PPARG: variants seen among roughly 807,000 people sequenced by gnomAD.
PPARG encodes the protein peroxisome proliferator-activated receptor gamma.
Under a neutral mutation model 39.2 loss-of-function variants are expected in PPARG, and 17 were observed. That is an observed-to-expected ratio of 0.43 (90% CI 0.30 to 0.65). The LOEUF is 0.65. PPARG is among the 30% of genes least tolerant of loss of function. PPARG has a pLI of 0.13. For synonymous variants in PPARG, 223 were observed against 215.7 expected (o/e 1.03, Z -0.30); for missense variants, 406 against 585.9 (o/e 0.69, Z 3.17).
At position 12,294,430 on chromosome 3, in the gene PPARG, C is replaced by G. The variant is rs191735779; in HGVS notation, c.-83+5296C>G. Among the ~76,000 whole-genome samples, 3 of 152,276 alleles carry G rather than the reference C, an allele frequency of 2.0e-5. No individual in the cohort carries two copies. The East Asian group carries it at 5.8e-4, about 29-fold the overall frequency. ...CACTTCATTATATCTTGTATTTCCT[C>G]TGTGATGTTAGACAAATTATGTGGT... On this transcript the variant is annotated intron_variant, in intron 1 of 7. Coordinates refer to ENST00000651735, the MANE Select transcript of PPARG (RefSeq NM_138711.6).
chr3:12,395,876 C>A (rs145913852), intron 5 of PPARG, among the ~76,000 whole-genome samples: 1 of 152,192 alleles, frequency 6.6e-6, no homozygotes, highest in African/African-American at 2.4e-5. Context: ...AAATACAGAC[C>A]CACTTCCTAG....
chr3:12,305,126 G>A (rs372703432), intron 1 of PPARG, among the ~76,000 whole-genome samples: 22 of 151,472 alleles, frequency 1.5e-4, no homozygotes, highest in Admixed American at 5.3e-4. Flanking sequence ...TGTTCCCTAT[G>A]TTTTCTTCTT....
chr3:12,373,303 G>GGGGGAA (rs2049286913), intron 2 of PPARG, among the ~76,000 whole-genome samples: 1 of 152,144 alleles, frequency 6.6e-6, no homozygotes, highest in Non-Finnish European at 1.5e-5. Flanking sequence ...AGAAGGGCAG[G>GGGGGAA]GGGGAAGGGG....
In PPARG at chr3:12,313,230, CAGAT is replaced by C. The variant is rs200416762; in HGVS notation, c.-9+787_-9+790del. Among the ~76,000 whole-genome samples, 514 of 152,166 alleles carry C rather than the reference CAGAT, an allele frequency of 3.4e-3. 1 individual carries two copies. The highest frequency in any genetic ancestry group is 0.019 in the East Asian group (99 of 5,176). The stretch of plus-strand genomic sequence containing the variant: ...TCCACAACATTGAATAAAGAATCAT[CAGAT>C]AGATAGATACAGAAATTAATATAGA... On this transcript the variant is annotated intron_variant, in intron 2 of 7. Transcript: ENST00000651735.
rs576941877 is a variant in PPARG at position 12,302,871 on chromosome 3, G to A, written c.-82-9509G>A. Among the ~76,000 whole-genome samples the A allele has an allele frequency of 2.3e-4, 35 of 152,168 alleles. No homozygotes were observed. The South Asian group carries it at 6.0e-3, about 26-fold the overall frequency. ...CAGTCAGGAGGCTGCTGCAAAATCC[G>A]GACATACCATGAGGAGGGCCTGTAA... On this transcript the variant is annotated intron_variant, in intron 1 of 7. Transcript: ENST00000651735.
chr3:12,357,307 C>T (rs2048699838), intron 2 of PPARG, among the ~76,000 whole-genome samples: 1 of 152,142 alleles, frequency 6.6e-6, no homozygotes. Flanking sequence ...CCACTCTGCT[C>T]CAAGCACGCC....
chr3:12,299,523 TTC>T (rs1195476014), intron 1 of PPARG, among the ~76,000 whole-genome samples: 1 of 152,188 alleles, frequency 6.6e-6, no homozygotes, highest in Non-Finnish European at 1.5e-5. Context: ...TATTTATAAT[TTC>T]TGTCTCAGTA....
At chr3:12,341,680 G>A (rs1160571928) in intron 2 of PPARG, among the ~76,000 whole-genome samples, 3 of 152,080 alleles carry the variant, frequency 2.0e-5, no homozygotes, top group African/African-American at 7.2e-5. Flanking sequence ...ATTGTGGCAC[G>A]CGCCTGTGGT....
intron 2 of PPARG, among the ~76,000 whole-genome samples, chr3:12,349,970 C>T (rs1184689467): frequency 6.6e-6 from 1 of 152,066 alleles, no homozygotes; most frequent in African/African-American, 2.4e-5. Flanking sequence ...AAGTGAGACC[C>T]TTTGAGGACA....
At chr3:12,396,685 G>T (rs756247394) in intron 5 of PPARG, among the ~76,000 whole-genome samples, 1 of 151,562 alleles carries the variant, frequency 6.6e-6, no homozygotes, top group African/African-American at 2.4e-5. Flanking sequence ...TTTAGCCCAG[G>T]GGGTGGAAGT....
chr3:12,304,781 C>T (rs1041287019), intron 1 of PPARG, among the ~76,000 whole-genome samples: 8 of 152,046 alleles, frequency 5.3e-5, no homozygotes, highest in Non-Finnish European at 8.8e-5. Context: ...CAAAGGAAAA[C>T]GTGAATACAG....
chr3:12,360,508 A>G (rs1064323), intron 2 of PPARG, among the ~76,000 whole-genome samples: 16,667 of 151,190 alleles, frequency 0.11, 3,040 homozygotes, highest in African/African-American at 0.38. Flanking sequence ...GAAGTATAAT[A>G]TACTTAGAGG....
At chr3:12,318,540 T>C (rs1214818862) in intron 2 of PPARG, among the ~76,000 whole-genome samples, 1 of 152,202 alleles carries the variant, frequency 6.6e-6, no homozygotes, top group Non-Finnish European at 1.5e-5. Context: ...ATAAGAATTT[T>C]AAGATACAAA....
Position 12,368,183 on chromosome 3 carries a change from C to CTTTTT in PPARG, c.-8-11519_-8-11515dup, listed in dbSNP as rs556381640. On this transcript the variant is annotated intron_variant, in intron 2 of 7. Transcript: ENST00000651735. ...TAATAGTTTTCATTTTTTTCTTTTT[C>CTTTTT]TTTTTTGTTTTTTTTTCAGACAGTG... Among the ~76,000 whole-genome samples, 9 of 133,468 alleles carry CTTTTT rather than the reference C, an allele frequency of 6.7e-5. 4 individuals carry two copies. The highest frequency in any genetic ancestry group is 7.9e-5 in the Non-Finnish European group (5 of 63,536). The allele number at this position is 133,468 out of a possible 152,430, so 87.6% of individuals were successfully genotyped here.
chr3:12,322,504 GAGA>G (rs1224016648), intron 2 of PPARG, among the ~76,000 whole-genome samples: 3 of 152,208 alleles, frequency 2.0e-5, no homozygotes, highest in African/African-American at 7.2e-5. Context: ...TAAAAGTTCA[GAGA>G]AGAAGATACA....
chr3:12,331,169 G>A (rs1433384797), intron 2 of PPARG, among the ~76,000 whole-genome samples: 1 of 152,142 alleles, frequency 6.6e-6, no homozygotes, highest in Non-Finnish European at 1.5e-5. Context: ...CAGGTAGTGG[G>A]GAAAGCAGAA....
In PPARG at chr3:12,423,258, C is replaced by T. The variant is rs2051324012; in HGVS notation, c.1180+6104C>T. On this transcript the variant is annotated intron_variant, in intron 7 of 7. Coordinates refer to ENST00000651735, the MANE Select transcript of PPARG (RefSeq NM_138711.6). ...ATTTATGAGAGGAATGTTAAATTGT[C>T]GAAATACCATCCAGTCCCTTCATTT... 2.0e-5 allele frequency among the ~76,000 whole-genome samples: 3 copies of T among 152,302 alleles called. No homozygotes were observed. The South Asian group carries it at 6.2e-4, about 32-fold the overall frequency.
chr3:12,299,507 A>T (rs1358404725), intron 1 of PPARG, among the ~76,000 whole-genome samples: 1 of 152,194 alleles, frequency 6.6e-6, no homozygotes, highest in African/African-American at 2.4e-5. Flanking sequence ...TATATTATGC[A>T]TAATATATTT....
At chr3:12,402,319 T>C (rs900791199) in intron 5 of PPARG, among the ~76,000 whole-genome samples, 1 of 152,220 alleles carries the variant, frequency 6.6e-6, no homozygotes, top group East Asian at 1.9e-4. Context: ...CAGAATGCCT[T>C]CTTCTTTTAA....
Sources: gnomAD v4.1 joint callset for allele counts (sites outside exome capture counted in the v4.1 genomes callset) on GRCh38, gnomAD v4.1.1 for gene constraint, MANE v1.5 for transcripts, NCBI Gene and HGNC (gene_info 2026-07-23, HGNC 2026-07-21) for gene names.